PTK2: variants seen among roughly 807,000 people sequenced by gnomAD.
PTK2 encodes focal adhesion kinase 1.
PTK2 carries 45 observed loss-of-function variants against 150.1 expected under a neutral mutation model. The ratio of observed to expected loss-of-function variants is 0.30; its 90% CI spans 0.24 to 0.38. PTK2 has a LOEUF of 0.38. PTK2 is among the 10% of genes least tolerant of loss of function. The pLI, the probability that PTK2 is intolerant of heterozygous loss-of-function variation, is 1.00. For missense variants in PTK2, 919 were observed against 1,307.3 expected (o/e 0.70, Z 4.58); for synonymous variants, 432 against 449.2 (o/e 0.96, Z 0.48).
chr8:140,995,891 G>C (rs2100197534), intron 1 of PTK2, among the ~76,000 whole-genome samples: 1 of 152,140 alleles, frequency 6.6e-6, no homozygotes, highest in Non-Finnish European at 1.5e-5. Flanking sequence ...GAAATTAAAA[G>C]TGCTACTTCA....
At position 140,989,771 on chromosome 8, in the gene PTK2, G is replaced by A. The variant is rs572193173; in HGVS notation, c.-122+11354C>T. Among the ~76,000 whole-genome samples the A allele has an allele frequency of 2.6e-5, 4 of 151,896 alleles. No homozygotes were observed. The East Asian group carries it at 7.8e-4, about 30-fold the overall frequency. Reference sequence around the variant, plus strand: ...TAAAAATACAAAATTAGCCGGGTGTGATGGTGCATGCCTGTAATCCCAGCT... The same window carrying A: ...TAAAAATACAAAATTAGCCGGGTGTAATGGTGCATGCCTGTAATCCCAGCT... On this transcript the variant is annotated intron_variant, in intron 1 of 31. Transcript: ENST00000522684.
At chr8:140,835,429 T>C (rs1226442395) in intron 7 of PTK2, among the ~76,000 whole-genome samples, 1 of 152,344 alleles carries the variant, frequency 6.6e-6, no homozygotes. Flanking sequence ...CATTTCCATG[T>C]AGTAACTCTT....
At chr8:140,686,108 T>C (rs2100019636) in intron 27 of PTK2, among the ~76,000 whole-genome samples, 1 of 152,148 alleles carries the variant, frequency 6.6e-6, no homozygotes. Flanking sequence ...CTAGAGGTCA[T>C]TATCATTATC....
At chr8:140,711,220 C>T (rs915930215) in intron 23 of PTK2, among the ~76,000 whole-genome samples, 5 of 152,228 alleles carry the variant, frequency 3.3e-5, no homozygotes, top group African/African-American at 1.2e-4. Flanking sequence ...GATTCTCGTG[C>T]CTCAGCCTCC....
chr8:140,849,412 T>A (rs1478796826), intron 5 of PTK2, among the ~76,000 whole-genome samples: 4 of 152,228 alleles, frequency 2.6e-5, no homozygotes, highest in African/African-American at 9.7e-5. Flanking sequence ...TGTACACACT[T>A]TGTTCATATC....
chr8:140,942,710 CT>C (rs1484243913), intron 1 of PTK2, among the ~76,000 whole-genome samples: 6 of 152,060 alleles, frequency 3.9e-5, no homozygotes, highest in Admixed American at 2.6e-4. Context: ...ACTTTTTCTT[CT>C]CTTTAAAGTT....
At chr8:140,815,884 A>G (rs1315566659) in intron 10 of PTK2, among the ~76,000 whole-genome samples, 1 of 152,146 alleles carries the variant, frequency 6.6e-6, no homozygotes. Flanking sequence ...AATATTAAAG[A>G]CATGTTATTA....
At chr8:140,765,762 T>G (rs2100071929) in intron 14 of PTK2, among the ~76,000 whole-genome samples, 1 of 152,142 alleles carries the variant, frequency 6.6e-6, no homozygotes, top group South Asian at 2.1e-4. Flanking sequence ...TAAGATGGCT[T>G]ATCAAAACAC....
intron 5 of PTK2, among the ~76,000 whole-genome samples, chr8:140,859,502 A>AT (rs1193935717): frequency 6.6e-6 from 1 of 152,196 alleles, no homozygotes; most frequent in Non-Finnish European, 1.5e-5. Flanking sequence ...TTAGCCTAGA[A>AT]TTCAGTGGAA....
intron 14 of PTK2, among the ~76,000 whole-genome samples, chr8:140,770,115 G>C (rs937636911): frequency 6.6e-6 from 1 of 152,176 alleles, no homozygotes; most frequent in Non-Finnish European, 1.5e-5. Context: ...ATAAACTGTG[G>C]GGAGTGCAGT....
intron 27 of PTK2, among the ~76,000 whole-genome samples, chr8:140,684,207 C>T (rs560024865): frequency 3.9e-5 from 6 of 152,258 alleles, no homozygotes; most frequent in Admixed American, 6.5e-5. Context: ...AATTTTTCCA[C>T]GGACTCAGGG....
chr8:140,768,147 G>T (rs1172673140), intron 14 of PTK2, among the ~76,000 whole-genome samples: 2 of 151,882 alleles, frequency 1.3e-5, no homozygotes, highest in Non-Finnish European at 2.9e-5. Context: ...TACATATATT[G>T]TCATTTAATC....
intron 26 of PTK2, among the ~76,000 whole-genome samples, chr8:140,693,956 C>T (rs1243997952): frequency 1.3e-5 from 2 of 152,038 alleles, no homozygotes; most frequent in Non-Finnish European, 2.9e-5. Context: ...ATGGCAGGGC[C>T]AGAGCAGTAG....
chr8:140,698,924 A>ATTTTTT (rs10713722), intron 26 of PTK2, among the ~76,000 whole-genome samples: 3 of 96,172 alleles, frequency 3.1e-5, no homozygotes, highest in East Asian at 3.0e-4. Context: ...TAATTTTTGT[A>ATTTTTT]TTTTTTTTTT....
At chr8:140,939,695 C>A (rs1490650577) in intron 1 of PTK2, among the ~76,000 whole-genome samples, 1 of 152,210 alleles carries the variant, frequency 6.6e-6, no homozygotes, top group Non-Finnish European at 1.5e-5. Flanking sequence ...GCTGTTGTCA[C>A]TAGGAGATAA....
At chr8:140,970,840 AAGTTG>A (rs2100186970) in intron 1 of PTK2, among the ~76,000 whole-genome samples, 1 of 151,266 alleles carries the variant, frequency 6.6e-6, no homozygotes, top group Non-Finnish European at 1.5e-5. Context: ...TAACCATGTT[AAGTTG>A]TCTGACTACA....
chr8:140,679,003 GT>G (rs533089786), intron 27 of PTK2, among the ~76,000 whole-genome samples: 1 of 69,006 alleles, frequency 1.4e-5, no homozygotes, highest in East Asian at 4.6e-4. Flanking sequence ...TGCTCCCCAT[GT>G]TTTTTTTTTT....
At chr8:140,698,388 A>G (rs1590930345) in intron 26 of PTK2, among the ~76,000 whole-genome samples, 1 of 152,242 alleles carries the variant, frequency 6.6e-6, no homozygotes, top group Non-Finnish European at 1.5e-5. Flanking sequence ...AGAACAGTAG[A>G]TATGTTCTTA....
chr8:140,659,976 ATT>A (rs950325820), intron 31 of PTK2, among the ~76,000 whole-genome samples: 1 of 150,788 alleles, frequency 6.6e-6, no homozygotes, highest in Non-Finnish European at 1.5e-5. Context: ...CAATCTTTAA[ATT>A]TTTTTTTTCT....
Sources: gnomAD v4.1 joint callset for allele counts (sites outside exome capture counted in the v4.1 genomes callset) on GRCh38, gnomAD v4.1.1 for gene constraint, MANE v1.5 for transcripts, NCBI Gene and HGNC (gene_info 2026-07-23, HGNC 2026-07-21) for gene names.